The following PAPOLG variants were observed in gnomAD, a reference collection of about 807,000 sequenced individuals.
The protein encoded by PAPOLG is poly(A) polymerase gamma, also known as PAP-gamma.
PAPOLG carries 40 observed loss-of-function variants against 99.0 expected under a neutral mutation model. The ratio of observed to expected loss-of-function variants is 0.40; its 90% CI spans 0.31 to 0.53. The LOEUF is 0.53. Ranked by LOEUF, PAPOLG falls within the 20% of genes least tolerant of loss-of-function variation. PAPOLG has a pLI of 0.41. For missense variants in PAPOLG, 675 were observed against 884.1 expected (o/e 0.76, Z 3.00); for synonymous variants, 310 against 299.3 (o/e 1.04, Z -0.37).
At chr2:60,789,451 T>TC (rs1409021185) in intron 15 of PAPOLG, among the ~76,000 whole-genome samples, 3 of 152,126 alleles carry the variant, frequency 2.0e-5, no homozygotes, top group Non-Finnish European at 4.4e-5. Context: ...CCCAGGCTGA[T>TC]CTCGAACTCC....
chr2:60,769,338 T>C (rs959607122), intron 5 of PAPOLG, among the ~76,000 whole-genome samples: 9 of 152,166 alleles, frequency 5.9e-5, no homozygotes, highest in African/African-American at 2.2e-4. Context: ...ATTCAGCAAA[T>C]AAAATTTCAG....
intron 21 of PAPOLG, among the ~76,000 whole-genome samples, chr2:60,796,615 A>G (rs1671713822): frequency 6.6e-6 from 1 of 152,152 alleles, no homozygotes; most frequent in Admixed American, 6.5e-5. Context: ...GTATTACAGA[A>G]ACAAATTGAG....
At chr2:60,768,408 G>A (rs1670749548) in intron 3 of PAPOLG, 62 bp from the exon 4 acceptor site, 3 of 1,554,724 alleles carry the variant, frequency 1.9e-6, no homozygotes, top group East Asian at 4.5e-5. Context: ...AGCCAACATT[G>A]AGGTGACTTT....
In PAPOLG at chr2:60,801,501, T is replaced by C. The variant is rs1038879230; in HGVS notation, c.*4341T>C. On this transcript the variant is annotated 3_prime_UTR_variant, in exon 22 of 22. Transcript: ENST00000238714. ...CTCCGTCACCCAGGCTGGAATGCAGTGGCGCAATCTTGGCTCATTGCAACC... is the reference window on the plus strand; with the variant it reads ...CTCCGTCACCCAGGCTGGAATGCAGCGGCGCAATCTTGGCTCATTGCAACC... 6.6e-6 allele frequency: 1 copy of C among 152,104 alleles called. No homozygotes were observed. Among genetic ancestry groups the C allele is most frequent in the Admixed American group, 6.6e-5 (1 of 15,252 alleles). The allele number at this position is 152,104 out of a possible 1,614,324, so 9.4% of individuals were successfully genotyped here. A position where few individuals can be genotyped will look rare whatever the true frequency, so the allele number is the denominator to read the frequency against.
chr2:60,780,938 G>C (rs993329306), intron 10 of PAPOLG, among the ~76,000 whole-genome samples, 159 bp downstream of exon 10: 2 of 151,724 alleles, frequency 1.3e-5, no homozygotes, highest in African/African-American at 4.8e-5. Flanking sequence ...TTTGTTTTTT[G>C]TGCAGATGAT....
At chr2:60,763,368 C>A (rs1327463095) in intron 3 of PAPOLG, among the ~76,000 whole-genome samples, 1 of 152,164 alleles carries the variant, frequency 6.6e-6, no homozygotes, top group Non-Finnish European at 1.5e-5. Flanking sequence ...AGGCATGAGC[C>A]ACTGCGCCTT....
rs1670336168 is a variant in PAPOLG at position 60,756,305 on chromosome 2, C to G, written c.-174C>G. The G allele has an allele frequency of 1.1e-5, 8 of 751,584 alleles. No individual in the cohort carries two copies. In the Admixed American group the frequency reaches 1.6e-4, roughly 15 times the overall value. The allele number at this position is 751,584 out of a possible 1,614,324, so 46.6% of individuals were successfully genotyped here. A position where few individuals can be genotyped will look rare whatever the true frequency, so the allele number is the denominator to read the frequency against. ...CGCGCTGTATTGTCATAAATAGAGC[C>G]GGTTTTGTGGTGTTTTCACTACTCG... On this transcript the variant is annotated 5_prime_UTR_variant, in exon 1 of 22. Transcript: ENST00000238714.
chr2:60,782,803 A>ATTT (rs139543059), intron 12 of PAPOLG, 33 bp downstream of exon 12: 5 of 1,222,456 alleles, frequency 4.1e-6, no homozygotes, highest in Admixed American at 2.9e-5. Flanking sequence ...TATGTATGTG[A>ATTT]TTTTTTTTTT....
At chr2:60,765,173 A>G (rs769296702) in intron 3 of PAPOLG, among the ~76,000 whole-genome samples, 3 of 151,584 alleles carry the variant, frequency 2.0e-5, no homozygotes, top group Admixed American at 6.6e-5. Context: ...GGCTCAAGCA[A>G]TCCTCTCACC....
chr2:60,778,646 A>C (rs535139026), intron 8 of PAPOLG, among the ~76,000 whole-genome samples: 1 of 152,350 alleles, frequency 6.6e-6, no homozygotes, highest in South Asian at 2.1e-4. Context: ...TTACAAGTTA[A>C]AAAATAGCAA....
intron 6 of PAPOLG, 86 bp downstream of exon 6, chr2:60,770,597 C>A (rs1573227843): frequency 2.0e-5 from 16 of 808,608 alleles, no homozygotes; most frequent in African/African-American, 5.4e-5. Flanking sequence ...AACATAAATG[C>A]ATATTTTAAA....
chr2:60,760,293 C>T lies in PAPOLG; in HGVS notation c.177C>T (p.His59=). The T allele has an allele frequency of 6.2e-7, 1 of 1,608,366 alleles. No homozygotes were observed. The highest frequency in any genetic ancestry group is 8.5e-7 in the Non-Finnish European group (1 of 1,176,488). Residue 59 remains histidine, a splice_region_variant and synonymous_variant, in exon 2 of 22, where the codon CAC becomes CAT. Coordinates refer to ENST00000238714, the MANE Select transcript of PAPOLG (RefSeq NM_022894.4). The part of the protein sequence containing the change: ...GVFEDEEELN[H]RLVVLGKLNN... ...TTGAAGATGAGGAAGAATTGAACCA[C>T]AGGTATGTCATTGAAAACCATAAAA...
intron 7 of PAPOLG, among the ~76,000 whole-genome samples, chr2:60,772,678 G>C (rs540903042): frequency 2.2e-3 from 340 of 152,144 alleles, no homozygotes; most frequent in African/African-American, 7.7e-3. Flanking sequence ...AACCCAGAAG[G>C]CGGAGGTTGT....
intron 3 of PAPOLG, among the ~76,000 whole-genome samples, chr2:60,762,106 G>C (rs1383470340): frequency 4.6e-5 from 7 of 152,140 alleles, no homozygotes; most frequent in African/African-American, 1.7e-4. Flanking sequence ...TAAAGTATTA[G>C]ATCTGGCAAT....
chr2:60,765,309 C>T (rs189528925), intron 3 of PAPOLG, among the ~76,000 whole-genome samples: 163 of 144,694 alleles, frequency 1.1e-3, no homozygotes, highest in African/African-American at 3.3e-3. Flanking sequence ...AACTCTTGTA[C>T]TCAAGTGATC....
At chr2:60,792,400 C>T in intron 17 of PAPOLG, 111 bp downstream of exon 17, 1 of 1,019,600 alleles carries the variant, frequency 9.8e-7, no homozygotes, top group Non-Finnish European at 1.4e-6. Flanking sequence ...TAAAAGATTT[C>T]ATTTTACTGG....
chr2:60,781,458 A>G (rs1671187141), intron 10 of PAPOLG, among the ~76,000 whole-genome samples: 2 of 152,368 alleles, frequency 1.3e-5, no homozygotes, highest in African/African-American at 2.4e-5. Context: ...CCAGGGTAGC[A>G]TAATTCTCCC....
chr2:60,775,401 C>T (rs1427971612), intron 8 of PAPOLG, among the ~76,000 whole-genome samples: 1 of 152,198 alleles, frequency 6.6e-6, no homozygotes, highest in South Asian at 2.1e-4. Flanking sequence ...CTGATACCCT[C>T]CCTGTGGGTA....
intron 6 of PAPOLG, 104 bp downstream of exon 6, chr2:60,770,615 G>A: frequency 3.0e-6 from 2 of 673,940 alleles, no homozygotes; most frequent in Non-Finnish European, 4.7e-6. Flanking sequence ...AAAAAATCAA[G>A]TAATCTCTTT....
Sources: gnomAD v4.1 joint callset for allele counts (sites outside exome capture counted in the v4.1 genomes callset) on GRCh38, gnomAD v4.1.1 for gene constraint, MANE v1.5 for transcripts, NCBI Gene and HGNC (gene_info 2026-07-23, HGNC 2026-07-21) for gene names.